Variants in RP1 observed in about 807,000 individuals in gnomAD.
RP1 encodes RP1 axonemal microtubule associated, also known as oxygen-regulated protein 1.
In RP1, 16 loss-of-function variants were observed where a neutral mutation model predicts 14.8. That is an observed-to-expected ratio of 1.08 (90% CI 0.73 to 1.65). RP1 has a LOEUF of 1.65. RP1 is among the 40% of genes most tolerant of loss of function. The probability of loss-of-function intolerance (pLI) is 0.00; values close to 1 mark genes in which losing one functional copy is unlikely to be tolerated. For synonymous variants in RP1, 876 were observed against 883.6 expected (o/e 0.99, Z 0.15); for missense variants, 2,631 against 2,535.0 (o/e 1.04, Z -0.81).
chr8:54,635,515 A>G (rs1278420137), downstream of RP1, among the ~76,000 whole-genome samples: 3 of 152,178 alleles, frequency 2.0e-5, no homozygotes, highest in Non-Finnish European at 2.9e-5. Flanking sequence ...ATACAAAGCT[A>G]AACACTATAT....
At chr8:54,802,759 C>A (rs1810744057) in intron 24 of RP1, among the ~76,000 whole-genome samples, 1 of 152,158 alleles carries the variant, frequency 6.6e-6, no homozygotes, top group Non-Finnish European at 1.5e-5. Context: ...ACACATGACA[C>A]AGGCAAGATG....
chr8:54,675,245 A>C (rs1040564146), intron 8 of RP1, among the ~76,000 whole-genome samples: 1 of 152,198 alleles, frequency 6.6e-6, no homozygotes, highest in Non-Finnish European at 1.5e-5. Context: ...ATAAAGTAAA[A>C]TTCAAGACAA....
intron 22 of RP1, chr8:54,769,725 C>G (rs1809855959): frequency 6.8e-7 from 1 of 1,479,236 alleles, no homozygotes; most frequent in African/African-American, 1.4e-5. Context: ...CTTTCTCTCT[C>G]TCTCTTTTTC....
chr8:54,642,059 C>G (rs1806463154), intron 3 of RP1, among the ~76,000 whole-genome samples: 1 of 152,160 alleles, frequency 6.6e-6, no homozygotes, highest in Non-Finnish European at 1.5e-5. Flanking sequence ...ATGGTTCAGT[C>G]TTTTCTGTTT....
intron 14 of RP1, among the ~76,000 whole-genome samples, chr8:54,705,591 G>A (rs150118922): frequency 2.6e-5 from 4 of 152,154 alleles, no homozygotes; most frequent in Non-Finnish European, 5.9e-5. Flanking sequence ...AAGCTCTGCA[G>A]GCAAACAACA....
At chr8:54,569,637 A>C (rs1352514913) in intron 1 of RP1, among the ~76,000 whole-genome samples, 1 of 152,114 alleles carries the variant, frequency 6.6e-6, no homozygotes, top group Admixed American at 6.5e-5. Context: ...TTTTCCCAGA[A>C]GTTTTTACAC....
chr8:54,588,104 C>G (rs28421922), intron 1 of RP1, among the ~76,000 whole-genome samples: 3,419 of 152,206 alleles, frequency 0.022, 129 homozygotes, highest in African/African-American at 0.078. Flanking sequence ...CAACTTGTGA[C>G]TTTATGCTGT....
intron 1 of RP1, among the ~76,000 whole-genome samples, chr8:54,592,782 A>G (rs1203053463): frequency 6.6e-6 from 1 of 152,046 alleles, no homozygotes; most frequent in Non-Finnish European, 1.5e-5. Flanking sequence ...TGTAATTTTC[A>G]TGCTTGTTGC....
chr8:54,664,110 C>T (rs1233388448), intron 7 of RP1, among the ~76,000 whole-genome samples: 1 of 152,162 alleles, frequency 6.6e-6, no homozygotes, highest in African/African-American at 2.4e-5. Flanking sequence ...GCATTTACTT[C>T]AGATACCTCA....
intron 27 of RP1, among the ~76,000 whole-genome samples, chr8:54,863,047 A>ATATATATG (rs1554541295): frequency 2.0e-5 from 2 of 99,808 alleles, no homozygotes; most frequent in African/African-American, 3.7e-5. Flanking sequence ...CCAAATGGAT[A>ATATATATG]TATATATATA....
chr8:54,658,684 A>G (rs113454493), intron 6 of RP1, among the ~76,000 whole-genome samples: 242 of 152,332 alleles, frequency 1.6e-3, no homozygotes, highest in Non-Finnish European at 2.5e-3. Context: ...TGTTGTAATG[A>G]CCATGGGTGT....
chr8:54,572,542 G>A (rs1489915230), intron 1 of RP1, among the ~76,000 whole-genome samples: 1 of 152,190 alleles, frequency 6.6e-6, no homozygotes, highest in Non-Finnish European at 1.5e-5. Context: ...ACCTTCCTTG[G>A]ATTATGTGGT....
intron 7 of RP1, among the ~76,000 whole-genome samples, chr8:54,665,075 CT>C (rs1382305847): frequency 6.6e-6 from 1 of 151,976 alleles, no homozygotes; most frequent in Non-Finnish European, 1.5e-5. Context: ...GAACTTAAAC[CT>C]TTGTATTTCC....
chr8:54,659,109 T>C (rs982172003), intron 6 of RP1, among the ~76,000 whole-genome samples: 4 of 152,176 alleles, frequency 2.6e-5, no homozygotes, highest in African/African-American at 9.6e-5. Context: ...GAGTTCCTTA[T>C]TTTTTCTGGA....
At chr8:54,775,100 A>G (rs1810001291) in intron 23 of RP1, among the ~76,000 whole-genome samples, 1 of 152,106 alleles carries the variant, frequency 6.6e-6, no homozygotes, top group Non-Finnish European at 1.5e-5. Flanking sequence ...TCCAGACATC[A>G]ACAAATGTCT....
chr8:54,616,108 C>G lies in RP1; in HGVS notation c.-107C>G, dbSNP rs983667646. 1 of 152,152 alleles carries G rather than the reference C, an allele frequency of 6.6e-6. No individual in the cohort carries two copies. Among genetic ancestry groups the G allele is most frequent in the African/African-American group, 2.4e-5 (1 of 41,438 alleles). 9.4% of individuals were successfully genotyped at this position (152,152 alleles called of 1,614,324 possible). Reference sequence around the variant, plus strand: ...ATCCAAAGACATTAGTTTCTTTGCACGAAATGAGGTTACATATCCAGTGAC... The same window carrying G: ...ATCCAAAGACATTAGTTTCTTTGCAGGAAATGAGGTTACATATCCAGTGAC... On this transcript the variant is annotated 5_prime_UTR_variant, in exon 1 of 4. Coordinates refer to ENST00000220676, the MANE Select transcript of RP1 (RefSeq NM_006269.2).
At chr8:54,624,037 A>G (rs889141751) in intron 3 of RP1, among the ~76,000 whole-genome samples, 1 of 152,222 alleles carries the variant, frequency 6.6e-6, no homozygotes, top group Non-Finnish European at 1.5e-5. Flanking sequence ...TAAACTTGTT[A>G]AAATTCTCTG....
exon 19 of RP1, chr8:54,739,014 G>C (rs1327410502): frequency 6.5e-7 from 1 of 1,531,636 alleles, no homozygotes; most frequent in Admixed American, 2.0e-5. Flanking sequence ...AGCAACCCGA[G>C]TGGAACTTGC....
chr8:54,680,967 A>C (rs1807414398), intron 12 of RP1, among the ~76,000 whole-genome samples: 1 of 151,692 alleles, frequency 6.6e-6, no homozygotes, highest in South Asian at 2.1e-4. Context: ...CGGACAAAAA[A>C]AAAAAACAAA....
Sources: gnomAD v4.1 joint callset for allele counts (sites outside exome capture counted in the v4.1 genomes callset) on GRCh38, gnomAD v4.1.1 for gene constraint, MANE v1.5 for transcripts, NCBI Gene and HGNC (gene_info 2026-07-23, HGNC 2026-07-21) for gene names.